The following PPP1R9A variants were observed in gnomAD, a reference collection of about 807,000 sequenced individuals.
PPP1R9A encodes the protein neurabin-1.
PPP1R9A carries 59 observed loss-of-function variants against 141.9 expected under a neutral mutation model. That is an observed-to-expected ratio of 0.42 (90% CI 0.34 to 0.52). The LOEUF is 0.52. PPP1R9A is among the 20% of genes least tolerant of loss of function. The pLI, the probability that PPP1R9A is intolerant of heterozygous loss-of-function variation, is 0.10. For synonymous variants in PPP1R9A, 500 were observed against 569.7 expected (o/e 0.88, Z 1.74); for missense variants, 1,444 against 1,611.9 (o/e 0.90, Z 1.78).
In PPP1R9A at chr7:95,250,008, G is replaced by A. The variant is rs977948257; in HGVS notation, c.2167-18G>A. 8 of 1,568,620 alleles carry A rather than the reference G, an allele frequency of 5.1e-6. No homozygotes were observed. The highest frequency in any genetic ancestry group is 6.9e-6 in the Non-Finnish European group (8 of 1,160,694). Reference sequence around the variant, plus strand: ...AAAGTGGCCAAATTATCTTTGCCTTGACGTTTGCTTTCTCCAGCTGCAGGC... The same window carrying A: ...AAAGTGGCCAAATTATCTTTGCCTTAACGTTTGCTTTCTCCAGCTGCAGGC... On this transcript the variant is annotated intron_variant, in intron 9 of 19. Transcript: ENST00000433360.
chr7:95,225,469 A>G (rs976527502), intron 7 of PPP1R9A, among the ~76,000 whole-genome samples: 4 of 152,264 alleles, frequency 2.6e-5, no homozygotes, highest in Admixed American at 2.6e-4. Context: ...TTAACAAGCA[A>G]ACAAAACAGA....
At chr7:95,232,134 A>G (rs923191268) in intron 8 of PPP1R9A, among the ~76,000 whole-genome samples, 2 of 152,128 alleles carry the variant, frequency 1.3e-5, no homozygotes, top group African/African-American at 4.8e-5. Context: ...AAACTAGAAA[A>G]TCTAGAGGAG....
intron 4 of PPP1R9A, among the ~76,000 whole-genome samples, chr7:95,143,394 A>C (rs1273109589): frequency 1.3e-5 from 2 of 152,118 alleles, no homozygotes; most frequent in African/African-American, 2.4e-5. Context: ...AACCTCTTAG[A>C]TATCATAAGA....
At chr7:95,159,326 C>T (rs766852758) in intron 4 of PPP1R9A, among the ~76,000 whole-genome samples, 20 of 152,098 alleles carry the variant, frequency 1.3e-4, no homozygotes, top group African/African-American at 4.6e-4. Context: ...TGAAAATAAA[C>T]GATTGTATGT....
intron 2 of PPP1R9A, among the ~76,000 whole-genome samples, chr7:95,095,582 T>A (rs994018336): frequency 3.3e-5 from 5 of 152,228 alleles, no homozygotes; most frequent in Non-Finnish European, 5.9e-5. Context: ...GATTTAGCTG[T>A]ATATTGACAT....
chr7:95,003,477 T>C (rs1480557946), intron 2 of PPP1R9A, among the ~76,000 whole-genome samples: 1 of 152,136 alleles, frequency 6.6e-6, no homozygotes, highest in East Asian at 1.9e-4. Flanking sequence ...AGTATAAAAA[T>C]GAGATTGTTA....
chr7:95,187,113 G>A (rs955884350), intron 5 of PPP1R9A, among the ~76,000 whole-genome samples: 16 of 152,156 alleles, frequency 1.1e-4, no homozygotes, highest in Non-Finnish European at 2.2e-4. Context: ...ACACCTGACA[G>A]AATTCATCTG....
intron 2 of PPP1R9A, among the ~76,000 whole-genome samples, chr7:95,027,732 C>T (rs1051697188): frequency 1.3e-5 from 2 of 152,150 alleles, no homozygotes; most frequent in African/African-American, 2.4e-5. Context: ...CAAACATGTG[C>T]AGCATGTTAC....
chr7:95,136,706 A>C (rs893008043), intron 4 of PPP1R9A, among the ~76,000 whole-genome samples: 1 of 152,208 alleles, frequency 6.6e-6, no homozygotes, highest in Admixed American at 6.5e-5. Context: ...AATATTTGAC[A>C]TCCTAACTTT....
At chr7:95,155,460 G>A (rs1829456801) in intron 4 of PPP1R9A, 3 of 152,136 alleles carry the variant, frequency 2.0e-5, no homozygotes, top group Admixed American at 2.0e-4. Flanking sequence ...CAAAGTGCTC[G>A]ATTGTAGGCA....
chr7:95,191,021 A>G (rs1380478000), intron 5 of PPP1R9A, among the ~76,000 whole-genome samples: 1 of 152,254 alleles, frequency 6.6e-6, no homozygotes, highest in Non-Finnish European at 1.5e-5. Context: ...TAAGGAATTC[A>G]TAAATTATCA....
chr7:95,071,177 A>G (rs1177202960), intron 2 of PPP1R9A, among the ~76,000 whole-genome samples: 1 of 151,990 alleles, frequency 6.6e-6, no homozygotes, highest in African/African-American at 2.4e-5. Flanking sequence ...AGCAGGCAAT[A>G]TCTCATTATA....
At chr7:95,273,757 A>G (rs1802625927) in intron 14 of PPP1R9A, 142 bp from the exon 15 acceptor site, 3 of 787,028 alleles carry the variant, frequency 3.8e-6, no homozygotes, top group Admixed American at 2.7e-5. Flanking sequence ...TGTGTCTCCT[A>G]GGTCGTATAA....
intron 8 of PPP1R9A, among the ~76,000 whole-genome samples, chr7:95,238,620 G>T (rs1357849400): frequency 6.6e-6 from 1 of 151,940 alleles, no homozygotes; most frequent in East Asian, 1.9e-4. Flanking sequence ...TTCTTTTTTG[G>T]CATCTCCGAA....
intron 7 of PPP1R9A, among the ~76,000 whole-genome samples, chr7:95,208,904 A>G (rs1379915865): frequency 6.6e-6 from 1 of 151,296 alleles, no homozygotes; most frequent in Non-Finnish European, 1.5e-5. Context: ...TATATAAAGC[A>G]TAAAATCATG....
At chr7:95,022,231 C>A (rs1004476067) in intron 2 of PPP1R9A, among the ~76,000 whole-genome samples, 1 of 152,124 alleles carries the variant, frequency 6.6e-6, no homozygotes, top group African/African-American at 2.4e-5. Flanking sequence ...CTCTTTGTAG[C>A]AATTGTGAAT....
At chr7:94,986,712 C>CCTGTGAATTG (rs1413173222) in intron 2 of PPP1R9A, among the ~76,000 whole-genome samples, 3 of 152,166 alleles carry the variant, frequency 2.0e-5, no homozygotes, top group African/African-American at 7.2e-5. Context: ...ATTGAAATAG[C>CCTGTGAATTG]ACACTGTATT....
At chr7:95,038,698 A>C (rs1191804591) in intron 2 of PPP1R9A, among the ~76,000 whole-genome samples, 1 of 152,216 alleles carries the variant, frequency 6.6e-6, no homozygotes, top group Non-Finnish European at 1.5e-5. Flanking sequence ...CACAGGCTAG[A>C]GACAAAGACT....
Position 94,941,055 on chromosome 7 carries a change from ATACTC to A in PPP1R9A, c.1395+29552_1395+29556del, listed in dbSNP as rs537489586. The stretch of plus-strand genomic sequence containing the variant: ...GTCTTCATTTTGCAGAAAGAAAAGT[ATACTC>A]TACTTGGTTTGATATTGTCTGTGAA... On this transcript the variant is annotated intron_variant, in intron 2 of 19. Coordinates refer to ENST00000433360, the MANE Select transcript of PPP1R9A (RefSeq NM_001166160.2). Among the ~76,000 whole-genome samples the A allele has an allele frequency of 1.6e-4, 24 of 152,244 alleles. 1 individual carries two copies. The South Asian group carries it at 3.7e-3, about 24-fold the overall frequency.
Sources: allele counts gnomAD v4.1 joint callset (sites outside exome capture counted in the v4.1 genomes callset), GRCh38; gene constraint gnomAD v4.1.1; transcripts MANE v1.5; gene names NCBI Gene and HGNC (gene_info 2026-07-23, HGNC 2026-07-21).